Variants in CCDC144A observed in about 807,000 individuals in gnomAD.
The protein encoded by CCDC144A is coiled-coil domain containing 144A.
In CCDC144A, 41 loss-of-function variants were observed where a neutral mutation model predicts 143.8. That is an observed-to-expected ratio of 0.29 (90% CI 0.22 to 0.37). CCDC144A has a LOEUF of 0.37. CCDC144A is among the 10% of genes least tolerant of loss of function. CCDC144A has a pLI of 1.00. For missense variants in CCDC144A, 637 were observed against 1,488.8 expected (o/e 0.43, Z 9.41); for synonymous variants, 242 against 517.9 (o/e 0.47, Z 7.23).
chr17:16,694,253 A>G (rs1259043924), intron 2 of CCDC144A, among the ~76,000 whole-genome samples: 1 of 152,194 alleles, frequency 6.6e-6, no homozygotes, highest in African/African-American at 2.4e-5. Flanking sequence ...GAAACTCGGC[A>G]ATACCTTTCT....
chr17:16,671,094 C>G, the CCDC144A span, among the ~76,000 whole-genome samples: 2 of 151,710 alleles, frequency 1.3e-5, no homozygotes, highest in Non-Finnish European at 2.9e-5. Context: ...TCAAGCGATT[C>G]TCCTGCCTCA....
chr17:16,766,411 A>G (rs1915597614), intron 15 of CCDC144A: 1 of 152,310 alleles, frequency 6.6e-6, no homozygotes, highest in Non-Finnish European at 1.5e-5. Context: ...AAACAAGGTA[A>G]TGTATCATTT....
intron 9 of CCDC144A, among the ~76,000 whole-genome samples, chr17:16,728,198 G>T (rs890374543): frequency 2.6e-5 from 4 of 152,032 alleles, no homozygotes; most frequent in African/African-American, 9.7e-5. Flanking sequence ...CTCATGCTTG[G>T]CTAACTTTTT....
intron 5 of CCDC144A, 84 bp from the exon 6 acceptor site, chr17:16,711,595 G>A (rs1912448115): frequency 6.2e-7 from 1 of 1,601,956 alleles, no homozygotes; most frequent in Admixed American, 1.7e-5. Flanking sequence ...GTCAAGTGAT[G>A]ATGAAATCAA....
intron 12 of CCDC144A, among the ~76,000 whole-genome samples, chr17:16,750,824 C>T (rs1412964311): frequency 6.6e-6 from 1 of 152,048 alleles, no homozygotes; most frequent in Non-Finnish European, 1.5e-5. Context: ...TCCGCTTGGT[C>T]TCATCTGGTT....
intron 12 of CCDC144A, among the ~76,000 whole-genome samples, chr17:16,748,532 G>A (rs1914642780): frequency 6.6e-6 from 1 of 152,176 alleles, no homozygotes; most frequent in Non-Finnish European, 1.5e-5. Context: ...ATTCATTGGG[G>A]ATATTGGGCT....
At chr17:16,743,808 G>A (rs1914368635) in intron 12 of CCDC144A, among the ~76,000 whole-genome samples, 3 of 152,104 alleles carry the variant, frequency 2.0e-5, no homozygotes, top group African/African-American at 4.8e-5. Context: ...ATAGTACCTG[G>A]CATGTCATTT....
the CCDC144A span, among the ~76,000 whole-genome samples, chr17:16,677,612 C>A: frequency 3.4e-4 from 52 of 152,044 alleles, no homozygotes; most frequent in African/African-American, 1.2e-3. Flanking sequence ...GCGAGTGGAT[C>A]GCCTGAGATC....
intron 6 of CCDC144A, among the ~76,000 whole-genome samples, chr17:16,717,187 T>C (rs985893950): frequency 6.0e-5 from 9 of 149,210 alleles, no homozygotes; most frequent in African/African-American, 1.2e-4. Context: ...CAATCTCAGC[T>C]CTCTGCAACC....
At chr17:16,771,708 A>G (rs1001684038) in intron 15 of CCDC144A, among the ~76,000 whole-genome samples, 2 of 152,258 alleles carry the variant, frequency 1.3e-5, no homozygotes, top group African/African-American at 4.8e-5. Flanking sequence ...AATAAGGGAA[A>G]ACATCACACT....
chr17:16,717,180 T>C, intron 6 of CCDC144A, among the ~76,000 whole-genome samples: 1 of 147,982 alleles, frequency 6.8e-6, no homozygotes, highest in Non-Finnish European at 1.5e-5. Flanking sequence ...GCAGTGGCAA[T>C]CTCAGCTCTC....
intron 12 of CCDC144A, among the ~76,000 whole-genome samples, chr17:16,754,485 T>A (rs1361776189): frequency 6.6e-6 from 1 of 152,050 alleles, no homozygotes; most frequent in African/African-American, 2.4e-5. Flanking sequence ...ATATTTTAAA[T>A]TTTTTTTCTT....
intron 12 of CCDC144A, among the ~76,000 whole-genome samples, chr17:16,748,984 T>G (rs1914662972): frequency 6.6e-6 from 1 of 151,976 alleles, no homozygotes; most frequent in South Asian, 2.1e-4. Flanking sequence ...ATTTATTTAT[T>G]TATTTATTTA....
chr17:16,674,226 C>T, the CCDC144A span, among the ~76,000 whole-genome samples: 3 of 151,830 alleles, frequency 2.0e-5, no homozygotes, highest in African/African-American at 7.3e-5. Flanking sequence ...CCAGCCTAGG[C>T]AACATGGTGA....
chr17:16,699,498 C>G, intron 2 of CCDC144A, among the ~76,000 whole-genome samples: 1 of 50,250 alleles, frequency 2.0e-5, no homozygotes, highest in African/African-American at 8.9e-5. Flanking sequence ...GCCTCAGCCT[C>G]CTGAGTAGCT....
At chr17:16,725,002 A>ATTTTTTTTT (rs1167527388) in intron 8 of CCDC144A, among the ~76,000 whole-genome samples, 7 of 37,282 alleles carry the variant, frequency 1.9e-4, no homozygotes, top group South Asian at 1.1e-3. Context: ...ATAGCTGGTA[A>ATTTTTTTTT]TTTTTTTTTT....
At chr17:16,678,487 C>T in the CCDC144A span, among the ~76,000 whole-genome samples, 1 of 151,924 alleles carries the variant, frequency 6.6e-6, no homozygotes, top group Admixed American at 6.6e-5. Flanking sequence ...AACCCGAAGC[C>T]CCACCAAATG....
intron 9 of CCDC144A, among the ~76,000 whole-genome samples, chr17:16,728,054 G>A (rs1053295214): frequency 6.6e-5 from 10 of 151,804 alleles, no homozygotes; most frequent in African/African-American, 2.2e-4. Flanking sequence ...ATCTTTTATC[G>A]TTACTATTAT....
Position 16,690,801 on chromosome 17 carries a change from C to T in CCDC144A, c.344+57C>T, listed in dbSNP as rs1004422825. The T allele has an allele frequency of 1.7e-5, 26 of 1,525,972 alleles. No individual in the cohort carries two copies. The African/African-American group carries it at 3.2e-4, about 19-fold the overall frequency. 94.5% of individuals were successfully genotyped at this position (1,525,972 alleles called of 1,614,324 possible). ...TCGGGGACACTGGCTTTCTGGTGCC[C>T]GCAGGCCCCACGGCACCCGGGATGG... On this transcript the variant is annotated intron_variant, in intron 1 of 16. Transcript: ENST00000399273.
Sources: gnomAD v4.1 joint callset for allele counts (sites outside exome capture counted in the v4.1 genomes callset) on GRCh38, gnomAD v4.1.1 for gene constraint, MANE v1.5 for transcripts, NCBI Gene and HGNC (gene_info 2026-07-23, HGNC 2026-07-21) for gene names.